Variants in TNS3 observed in about 807,000 individuals in gnomAD.
The protein encoded by TNS3 is tensin-3.
TNS3 carries 45 observed loss-of-function variants against 140.9 expected under a neutral mutation model. That is an observed-to-expected ratio of 0.32 (90% CI 0.25 to 0.41). TNS3 has a LOEUF of 0.41. Ranked by LOEUF, TNS3 falls within the 10% of genes least tolerant of loss-of-function variation. The pLI is 1.00. For synonymous variants in TNS3, 815 were observed against 788.4 expected (o/e 1.03, Z -0.56); for missense variants, 1,716 against 1,906.7 (o/e 0.90, Z 1.86).
chr7:47,575,747 C>T (rs1800658887), intron 1 of TNS3, among the ~76,000 whole-genome samples: 1 of 148,662 alleles, frequency 6.7e-6, no homozygotes. Context: ...GGCGTGAACC[C>T]GGGAGGCAGA....
chr7:47,502,778 C>CA (rs1798274337), intron 3 of TNS3, among the ~76,000 whole-genome samples: 1 of 152,208 alleles, frequency 6.6e-6, no homozygotes, highest in Non-Finnish European at 1.5e-5. Flanking sequence ...CTGCAGGAGC[C>CA]AAGAGGCTGG....
chr7:47,496,925 C>T (rs1798032151), intron 3 of TNS3, among the ~76,000 whole-genome samples: 1 of 152,150 alleles, frequency 6.6e-6, no homozygotes, highest in Admixed American at 6.5e-5. Flanking sequence ...GGCAGCCAGT[C>T]AGGGGAAAGG....
intron 3 of TNS3, among the ~76,000 whole-genome samples, chr7:47,506,531 A>G (rs1798422877): frequency 6.6e-6 from 1 of 151,906 alleles, no homozygotes; most frequent in South Asian, 2.1e-4. Flanking sequence ...ATGAGGCAGA[A>G]AAGTCTCCAG....
At chr7:47,428,238 C>T (rs757647145) in intron 9 of TNS3, 74 bp downstream of exon 9, 10 of 1,131,846 alleles carry the variant, frequency 8.8e-6, no homozygotes, top group Admixed American at 3.0e-5. Flanking sequence ...ACAGCTCCCG[C>T]GCAGACAGCC....
At chr7:47,336,365 TTCAGCAA>T (rs1431442887) in intron 20 of TNS3, among the ~76,000 whole-genome samples, 1 of 152,156 alleles carries the variant, frequency 6.6e-6, no homozygotes, top group African/African-American at 2.4e-5. Context: ...TTCCTCACAC[TTCAGCAA>T]TCAGCTCTCG....
Position 47,442,878 on chromosome 7 carries a change from A to ACC in TNS3, c.-75-825_-75-824dup, listed in dbSNP as rs145028117. Among the ~76,000 whole-genome samples the ACC allele has an allele frequency of 5.0e-3, 758 of 151,998 alleles. 4 individuals are homozygous for ACC. Among genetic ancestry groups the ACC allele is most frequent in the Non-Finnish European group, 7.8e-3 (528 of 67,978 alleles). On this transcript the variant is annotated intron_variant, in intron 4 of 30. Coordinates refer to ENST00000311160, the MANE Select transcript of TNS3 (RefSeq NM_022748.12). ...AGACACCACCATCAGAGGCATCAAC[A>ACC]CCCCCGATCACACCTGGGATCCCAC...
chr7:47,495,770 T>G (rs1216424713), intron 3 of TNS3, among the ~76,000 whole-genome samples: 1 of 152,184 alleles, frequency 6.6e-6, no homozygotes, highest in Non-Finnish European at 1.5e-5. Flanking sequence ...GAAGAATGAC[T>G]GTAGTAGAAA....
At chr7:47,377,189 TG>T (rs1482357601) in intron 16 of TNS3, among the ~76,000 whole-genome samples, 1 of 152,224 alleles carries the variant, frequency 6.6e-6, no homozygotes, top group Non-Finnish European at 1.5e-5. Context: ...GGAGGCTTAT[TG>T]GAATGATGTC....
chr7:47,334,819 G>T (rs983219258), intron 20 of TNS3, among the ~76,000 whole-genome samples: 2 of 152,036 alleles, frequency 1.3e-5, no homozygotes, highest in African/African-American at 4.8e-5. Flanking sequence ...ATGTTGGCCA[G>T]GATGGTCTCT....
chr7:47,381,639 G>A (rs1050309038), intron 16 of TNS3, among the ~76,000 whole-genome samples: 1 of 152,196 alleles, frequency 6.6e-6, no homozygotes, highest in East Asian at 1.9e-4. Context: ...ATAAGTGCAC[G>A]CAGAGGGTAA....
At chr7:47,347,350 G>GT (rs1789403280) in intron 17 of TNS3, among the ~76,000 whole-genome samples, 1 of 152,138 alleles carries the variant, frequency 6.6e-6, no homozygotes, top group South Asian at 2.1e-4. Flanking sequence ...CTGAGTCCAT[G>GT]ATATGCCACT....
chr7:47,427,908 C>A (rs1280763065), intron 9 of TNS3, among the ~76,000 whole-genome samples: 1 of 152,218 alleles, frequency 6.6e-6, no homozygotes, highest in East Asian at 1.9e-4. Context: ...CCAGTGCCTG[C>A]AAAAGAGGTG....
At chr7:47,523,220 C>T (rs1179780933) in intron 2 of TNS3, among the ~76,000 whole-genome samples, 2 of 152,056 alleles carry the variant, frequency 1.3e-5, no homozygotes, top group Non-Finnish European at 2.9e-5. Flanking sequence ...CATAAGGGCC[C>T]TAATCCCACC....
chr7:47,510,854 T>C (rs1402869484), intron 2 of TNS3, among the ~76,000 whole-genome samples: 1 of 125,876 alleles, frequency 7.9e-6, no homozygotes, highest in Non-Finnish European at 1.7e-5. Context: ...AGAGTAAGAC[T>C]GTCTTTAAAA....
intron 1 of TNS3, among the ~76,000 whole-genome samples, chr7:47,568,907 T>C (rs1220483497): frequency 6.6e-6 from 1 of 152,222 alleles, no homozygotes; most frequent in Non-Finnish European, 1.5e-5. Flanking sequence ...CGATAACTTG[T>C]ACCGGGACAC....
chr7:47,424,207 G>A, intron 9 of TNS3, 23 bp from the exon 10 acceptor site: 1 of 1,613,024 alleles, frequency 6.2e-7, no homozygotes, highest in East Asian at 2.2e-5. Flanking sequence ...GAGAGAGAAA[G>A]AGAGTTAACT....
intron 1 of TNS3, among the ~76,000 whole-genome samples, chr7:47,567,655 G>C (rs1385444627): frequency 7.1e-6 from 1 of 140,768 alleles, no homozygotes; most frequent in East Asian, 2.1e-4. Context: ...CTGCACTCCA[G>C]CCTGGGCAAC....
chr7:47,486,343 T>C (rs1460089197), intron 3 of TNS3, among the ~76,000 whole-genome samples: 1 of 151,910 alleles, frequency 6.6e-6, no homozygotes, highest in African/African-American at 2.4e-5. Flanking sequence ...CTATGCCTCA[T>C]GTGTGTGTAT....
intron 17 of TNS3, among the ~76,000 whole-genome samples, chr7:47,356,333 G>A (rs962819716): frequency 2.0e-5 from 3 of 152,202 alleles, no homozygotes; most frequent in African/African-American, 7.2e-5. Context: ...ACTCCCTAGT[G>A]TTTCCAACAC....
Sources: gnomAD v4.1 joint callset for allele counts (sites outside exome capture counted in the v4.1 genomes callset) on GRCh38, gnomAD v4.1.1 for gene constraint, MANE v1.5 for transcripts, NCBI Gene and HGNC (gene_info 2026-07-23, HGNC 2026-07-21) for gene names.